CTNNA1: variants seen among roughly 807,000 people sequenced by gnomAD.
CTNNA1 encodes the protein catenin alpha-1.
Under a neutral mutation model 98.4 loss-of-function variants are expected in CTNNA1, and 37 were observed. The observed-to-expected ratio is 0.38, with a 90% CI of 0.29 to 0.49. The LOEUF (loss-of-function observed/expected upper bound fraction) is 0.49. CTNNA1 is among the 20% of genes least tolerant of loss of function. The pLI, the probability that CTNNA1 is intolerant of heterozygous loss-of-function variation, is 0.95. For synonymous variants in CTNNA1, 404 were observed against 413.2 expected (o/e 0.98, Z 0.27); for missense variants, 761 against 1,147.2 (o/e 0.66, Z 4.86).
chr5:138,885,368 C>T (rs938947581), intron 7 of CTNNA1, among the ~76,000 whole-genome samples: 3 of 152,104 alleles, frequency 2.0e-5, no homozygotes, highest in African/African-American at 4.8e-5. Context: ...ATTTGTTTTG[C>T]GAAAACAAGC....
chr5:138,817,259 G>A (rs574202936), intron 5 of CTNNA1, among the ~76,000 whole-genome samples: 11 of 152,224 alleles, frequency 7.2e-5, no homozygotes, highest in African/African-American at 1.7e-4. Context: ...AGAAATCTGC[G>A]TTATTCTAAT....
Position 138,782,015 on chromosome 5 carries a change from C to T in CTNNA1, c.91C>T (p.Pro31Ser), listed in dbSNP as rs1755165546. Residue 31 changes from proline (P) to serine (S), a missense_variant, in exon 2 of 18, where the codon CCT (proline) becomes TCT (serine). Coordinates refer to ENST00000302763, the MANE Select transcript of CTNNA1 (RefSeq NM_001903.5). ...TCTGGCAGTTGAGAGACTGTTGGAG[C>T]CTCTTGTTACACAGGTAAGAATCTG... ...RTLAVERLLE[P>S]LVTQVTTLVN... 1 of 1,608,964 alleles carries T rather than the reference C, an allele frequency of 6.2e-7. No individual in the cohort carries two copies. The highest frequency in any genetic ancestry group is 8.5e-7 in the Non-Finnish European group (1 of 1,178,940).
At chr5:138,809,463 AT>A (rs1303250002) in intron 3 of CTNNA1, among the ~76,000 whole-genome samples, 1 of 152,204 alleles carries the variant, frequency 6.6e-6, no homozygotes, top group Non-Finnish European at 1.5e-5. Flanking sequence ...CCATACCATA[AT>A]TTACTTAACT....
In CTNNA1 at chr5:138,933,893, A is replaced by G; in HGVS notation, c.2525A>G (p.Lys842Arg). Residue 842 changes from lysine to arginine, a missense_variant, in exon 18 of 18, where the codon AAA (lysine) becomes AGA (arginine). By Grantham distance (26) the Lys-to-Arg change is conservative. Coordinates refer to ENST00000302763, the MANE Select transcript of CTNNA1 (RefSeq NM_001903.5). ...AAGGCATCCTACGTCGCCTCTACCA[A>G]ATACCAAAAGTCACAGGGTATGGCT... ...TVKASYVAST[K>R]YQKSQGMASL... 1 of 1,614,172 alleles carries G rather than the reference A, an allele frequency of 6.2e-7. No homozygotes were observed. The highest frequency in any genetic ancestry group is 8.5e-7 in the Non-Finnish European group (1 of 1,180,030).
At position 138,824,733 on chromosome 5, in the gene CTNNA1, A is replaced by C; in HGVS notation, c.792A>C (p.Ser264=). The change falls in exon 6 of 18, where the codon TCA becomes TCC. Residue 264 remains serine, a synonymous_variant. Coordinates refer to ENST00000302763, the MANE Select transcript of CTNNA1 (RefSeq NM_001903.5). Reference sequence around the variant, plus strand: ...CCAATGCAGCCCAGGCCACTGCCTCAGACGATGCCTCACAGCACCAGGGTG... The same window carrying C: ...CCAATGCAGCCCAGGCCACTGCCTCCGACGATGCCTCACAGCACCAGGGTG... ...GISNAAQATA[S]DDASQHQGGG... is the part of the protein sequence containing the mutation. 6.2e-7 allele frequency: 1 copy of C among 1,614,232 alleles called. No homozygotes were observed. The highest frequency in any genetic ancestry group is 8.5e-7 in the Non-Finnish European group (1 of 1,180,038).
intron 7 of CTNNA1, among the ~76,000 whole-genome samples, chr5:138,862,337 A>G (rs1408351791): frequency 1.3e-5 from 2 of 152,336 alleles, no homozygotes; most frequent in East Asian, 3.9e-4. Context: ...GATGTGATAG[A>G]CTTAAAGTAC....
intron 9 of CTNNA1, among the ~76,000 whole-genome samples, chr5:138,895,420 A>G (rs1756559168): frequency 6.6e-6 from 1 of 152,154 alleles, no homozygotes; most frequent in African/African-American, 2.4e-5. Flanking sequence ...TGAACTGGGA[A>G]AACTTGTGGG....
intron 11 of CTNNA1, among the ~76,000 whole-genome samples, chr5:138,922,459 C>T (rs533416743): frequency 1.3e-5 from 2 of 152,210 alleles, no homozygotes; most frequent in East Asian, 3.9e-4. Flanking sequence ...AATATAATTC[C>T]TTTTATATTC....
intron 7 of CTNNA1, among the ~76,000 whole-genome samples, chr5:138,860,043 G>T (rs1257179020): frequency 2.0e-5 from 3 of 152,134 alleles, no homozygotes; most frequent in African/African-American, 7.2e-5. Flanking sequence ...GATTGTGTGT[G>T]TGTGTTTAAA....
chr5:138,808,418 A>G (rs1161380230), intron 3 of CTNNA1, among the ~76,000 whole-genome samples: 3 of 152,176 alleles, frequency 2.0e-5, no homozygotes, highest in Non-Finnish European at 4.4e-5. Context: ...AATGATTGCC[A>G]TATGTCTGTA....
chr5:138,868,993 C>G (rs1237427193), intron 7 of CTNNA1: 3 of 150,208 alleles, frequency 2.0e-5, no homozygotes, highest in African/African-American at 4.9e-5. Flanking sequence ...TACCCTCCCC[C>G]CTCCCAAAAC....
At chr5:138,760,984 C>G (rs1346272050) in intron 1 of CTNNA1, among the ~76,000 whole-genome samples, 1 of 152,084 alleles carries the variant, frequency 6.6e-6, no homozygotes. Flanking sequence ...ATGATGTCAT[C>G]CAGAAAGGGT....
At chr5:138,914,116 AAACT>A (rs1264840992) in intron 10 of CTNNA1, among the ~76,000 whole-genome samples, 1 of 152,258 alleles carries the variant, frequency 6.6e-6, no homozygotes, top group Non-Finnish European at 1.5e-5. Flanking sequence ...CAAAATGAGA[AAACT>A]AACCTTAGGC....
chr5:138,934,101 C>A lies in CTNNA1; in HGVS notation c.*12C>A, dbSNP rs2150360797. Reference sequence around the variant, plus strand: ...TGGACAGCATCTAAGTCTGCCCAGGCCGGCCGCCCCCACCCCTCGGGGCTC... The same window carrying A: ...TGGACAGCATCTAAGTCTGCCCAGGACGGCCGCCCCCACCCCTCGGGGCTC... On this transcript the variant is annotated 3_prime_UTR_variant, in exon 18 of 18. Transcript: ENST00000302763. 1 of 1,602,070 alleles carries A rather than the reference C, an allele frequency of 6.2e-7. No homozygotes were observed. The highest frequency in any genetic ancestry group is 2.2e-5 in the East Asian group (1 of 44,760).
chr5:138,918,264 G>GA (rs35912856), intron 11 of CTNNA1, among the ~76,000 whole-genome samples: 1 of 152,080 alleles, frequency 6.6e-6, no homozygotes, highest in Non-Finnish European at 1.5e-5. Flanking sequence ...ATTGTGTTTA[G>GA]AAAAAACATT....
intron 2 of CTNNA1, 118 bp downstream of exon 2, chr5:138,782,147 T>C: frequency 1.1e-6 from 1 of 950,216 alleles, no homozygotes; most frequent in Non-Finnish European, 1.6e-6. Context: ...TGAGTTTAGG[T>C]GACAGTTCTT....
chr5:138,794,035 T>TA (rs1482107503), intron 3 of CTNNA1, among the ~76,000 whole-genome samples: 1 of 119,056 alleles, frequency 8.4e-6, no homozygotes, highest in Non-Finnish European at 1.8e-5. Flanking sequence ...TTTTTTTTTT[T>TA]AAGACGGAGT....
At chr5:138,820,499 A>G (rs1759928401) in intron 5 of CTNNA1, among the ~76,000 whole-genome samples, 1 of 152,008 alleles carries the variant, frequency 6.6e-6, no homozygotes, top group African/African-American at 2.4e-5. Flanking sequence ...TATGTGTCCA[A>G]GGTGTTGATG....
intron 16 of CTNNA1, 23 bp from the exon 17 acceptor site, chr5:138,932,555 T>C: frequency 6.2e-7 from 1 of 1,613,640 alleles, no homozygotes; most frequent in Non-Finnish European, 8.5e-7. Context: ...GGATACTTGG[T>C]GTTAAGCCTG....
Sources: allele counts gnomAD v4.1 joint callset (sites outside exome capture counted in the v4.1 genomes callset), GRCh38; gene constraint gnomAD v4.1.1; transcripts MANE v1.5; gene names NCBI Gene and HGNC (gene_info 2026-07-23, HGNC 2026-07-21).